BCL11B: variants seen among roughly 807,000 people sequenced by gnomAD.
BCL11B encodes the protein BCL11 transcription factor B.
A neutral mutation model predicts 49.9 loss-of-function variants in BCL11B; 8 were observed. The ratio of observed to expected loss-of-function variants is 0.16; its 90% confidence interval spans 0.09 to 0.29. The LOEUF is 0.29. Ranked by LOEUF, BCL11B falls within the 10% of genes least tolerant of loss-of-function variation. The pLI, the probability that BCL11B is intolerant of heterozygous loss-of-function variation, is 1.00. For synonymous variants in BCL11B, 739 were observed against 637.4 expected (o/e 1.16, Z -2.40); for missense variants, 1,006 against 1,351.0 (o/e 0.74, Z 4.00).
At chr14:99,221,791 G>A (rs1888016745) in intron 3 of BCL11B, among the ~76,000 whole-genome samples, 1 of 152,264 alleles carries the variant, frequency 6.6e-6, no homozygotes, top group African/African-American at 2.4e-5. Context: ...TCAGAGCTGG[G>A]AGAGAAGGCC....
At chr14:99,212,227 T>A (rs1887708335) in intron 3 of BCL11B, among the ~76,000 whole-genome samples, 1 of 152,084 alleles carries the variant, frequency 6.6e-6, no homozygotes, top group Admixed American at 6.5e-5. Context: ...TCCCCAAAAT[T>A]TCCAAAAATC....
intron 3 of BCL11B, among the ~76,000 whole-genome samples, chr14:99,229,854 G>C (rs1888278623): frequency 6.6e-6 from 1 of 152,090 alleles, no homozygotes; most frequent in Non-Finnish European, 1.5e-5. Flanking sequence ...AGACAGAGCA[G>C]GCACCCCCTG....
At chr14:99,219,249 G>A (rs1463388000) in intron 3 of BCL11B, among the ~76,000 whole-genome samples, 2 of 152,020 alleles carry the variant, frequency 1.3e-5, no homozygotes, top group Admixed American at 6.5e-5. Flanking sequence ...GCCCAGGCTG[G>A]TCTTGAACTG....
rs3850422 is a variant in BCL11B, at chr14:99,205,451, G to A, written c.640+25894C>T. 0.32 allele frequency among the ~76,000 whole-genome samples: 49,131 copies of A among 152,010 alleles called. 9,427 individuals are homozygous for A. Among genetic ancestry groups the A allele is most frequent in the Non-Finnish European group, 0.44 (30,084 of 67,954 alleles). Reference sequence around the variant, plus strand: ...TGCATCTCCCACTTCTACAATGACTGGTTAAATGCGCCCAAGGACCAGGCG... The same window carrying A: ...TGCATCTCCCACTTCTACAATGACTAGTTAAATGCGCCCAAGGACCAGGCG... On this transcript the variant is annotated intron_variant, in intron 3 of 3. Coordinates refer to ENST00000357195, the MANE Select transcript of BCL11B (RefSeq NM_138576.4). This position sits in a 1 kb window ranked among gnomAD's most constrained non-coding sequence, Gnocchi z 5.0.
chr14:99,182,396 A>C (rs143422602), intron 3 of BCL11B, among the ~76,000 whole-genome samples: 121 of 152,302 alleles, frequency 7.9e-4, no homozygotes, highest in Non-Finnish European at 1.3e-3. Context: ...TGTTCTGATA[A>C]ACGCTGGGTC....
chr14:99,246,809 G>A (rs1010600520), intron 2 of BCL11B, among the ~76,000 whole-genome samples: 1 of 152,204 alleles, frequency 6.6e-6, no homozygotes, highest in Non-Finnish European at 1.5e-5. Flanking sequence ...CACCGTCGCG[G>A]GGAGGGGAGG....
chr14:99,245,401 A>G (rs1888795499), intron 2 of BCL11B, among the ~76,000 whole-genome samples: 1 of 152,126 alleles, frequency 6.6e-6, no homozygotes, highest in Non-Finnish European at 1.5e-5. Context: ...AAGCGGGCTT[A>G]CTCTTCTCCC....
intron 3 of BCL11B, among the ~76,000 whole-genome samples, chr14:99,214,921 G>C (rs1887788879): frequency 6.6e-6 from 1 of 152,092 alleles, no homozygotes; most frequent in Non-Finnish European, 1.5e-5. Flanking sequence ...CCCGGCTGAA[G>C]AACTCCACAG....
chr14:99,239,321 C>A (rs1252035122), intron 2 of BCL11B, among the ~76,000 whole-genome samples: 1 of 152,200 alleles, frequency 6.6e-6, no homozygotes, highest in African/African-American at 2.4e-5. Context: ...ATGTCATCTG[C>A]ATGAAGAATA....
Position 99,194,322 on chromosome 14 carries a change from G to T in BCL11B, c.641-18127C>A, listed in dbSNP as rs1294306571. ...CTTCCCCGGACTGCACTGGCTTACAGAACACACCCAGTTCTGGTAAGATGG... is the reference window on the plus strand; with the variant it reads ...CTTCCCCGGACTGCACTGGCTTACATAACACACCCAGTTCTGGTAAGATGG... On this transcript the variant is annotated intron_variant, in intron 3 of 3. Coordinates refer to ENST00000357195, the MANE Select transcript of BCL11B (RefSeq NM_138576.4). This position sits in a 1 kb window ranked among gnomAD's most constrained non-coding sequence, Gnocchi z 4.6. Among the ~76,000 whole-genome samples the T allele has an allele frequency of 6.6e-6, 1 of 152,222 alleles. No homozygotes were observed. The highest frequency in any genetic ancestry group is 1.5e-5 in the Non-Finnish European group (1 of 68,052).
intron 3 of BCL11B, among the ~76,000 whole-genome samples, chr14:99,207,016 A>T (rs1381432746): frequency 6.6e-6 from 1 of 152,128 alleles, no homozygotes; most frequent in Non-Finnish European, 1.5e-5. Flanking sequence ...TTGATCCAAA[A>T]CTCTCTATGC....
intron 3 of BCL11B, among the ~76,000 whole-genome samples, chr14:99,208,611 T>A (rs1887601187): frequency 6.6e-6 from 1 of 152,120 alleles, no homozygotes; most frequent in African/African-American, 2.4e-5. Flanking sequence ...GGCCTTCAGG[T>A]TCCCTTTGGC....
At chr14:99,258,199 G>C (rs1158796831) in intron 1 of BCL11B, among the ~76,000 whole-genome samples, 1 of 152,246 alleles carries the variant, frequency 6.6e-6, no homozygotes, top group African/African-American at 2.4e-5. Flanking sequence ...ATGAGGTCGT[G>C]ATGTGTCTCT....
chr14:99,264,937 G>T (rs551338376), intron 1 of BCL11B, among the ~76,000 whole-genome samples: 2 of 152,308 alleles, frequency 1.3e-5, no homozygotes, highest in African/African-American at 4.8e-5. Flanking sequence ...GGAGCAAGAG[G>T]GGGACCGAGC....
intron 3 of BCL11B, among the ~76,000 whole-genome samples, chr14:99,191,596 C>T (rs1887032368): frequency 6.6e-6 from 1 of 152,030 alleles, no homozygotes; most frequent in Non-Finnish European, 1.5e-5. Flanking sequence ...CCAGAGTTGC[C>T]TGGAGCTGAG....
At position 99,213,817 on chromosome 14, in the gene BCL11B, GCC is replaced by G. The variant is rs1028937566; in HGVS notation, c.640+17526_640+17527del. On this transcript the variant is annotated intron_variant, in intron 3 of 3. Coordinates refer to ENST00000357195, the MANE Select transcript of BCL11B (RefSeq NM_138576.4). This position sits in a 1 kb window ranked among gnomAD's most constrained non-coding sequence, Gnocchi z 5.1. ...CAAGGCACAGGGGCCCCTGGCAAGG[GCC>G]CCCCGAGGGGCTGCCCCGTGCGCCC... is the stretch of plus-strand genomic sequence containing the variant. 6.6e-6 allele frequency among the ~76,000 whole-genome samples: 1 copy of G among 152,140 alleles called. No homozygotes were observed. The highest frequency in any genetic ancestry group is 1.5e-5 in the Non-Finnish European group (1 of 68,012).
chr14:99,225,901 CCCCCAACTGGGGGGCT>C lies in BCL11B; in HGVS notation c.640+5428_640+5443del, dbSNP rs1183110163. Among the ~76,000 whole-genome samples, 486 of 152,254 alleles carry C rather than the reference CCCCCAACTGGGGGGCT, an allele frequency of 3.2e-3. 1 individual carries two copies. The highest frequency in any genetic ancestry group is 0.01 in the African/African-American group (425 of 41,566). ...GGTAGGTGCCCCAACTGGGGGGCTT[CCCCCAACTGGGGGGCT>C]TGCAGCTCTCCATGGCTTCTCCTGG... On this transcript the variant is annotated intron_variant, in intron 3 of 3. Coordinates refer to ENST00000357195, the MANE Select transcript of BCL11B (RefSeq NM_138576.4).
chr14:99,212,846 C>T (rs1271194794), intron 3 of BCL11B, among the ~76,000 whole-genome samples: 1 of 152,224 alleles, frequency 6.6e-6, no homozygotes, highest in Non-Finnish European at 1.5e-5. Context: ...ACCTCCCCCA[C>T]CTGCTTGGCT....
At chr14:99,258,973 C>T (rs989650314) in intron 1 of BCL11B, among the ~76,000 whole-genome samples, 1 of 149,426 alleles carries the variant, frequency 6.7e-6, no homozygotes, top group Non-Finnish European at 1.5e-5. Context: ...AAGCAGCAAC[C>T]TCCTCAAGGG....
Sources: allele counts gnomAD v4.1 joint callset (sites outside exome capture counted in the v4.1 genomes callset), GRCh38; gene constraint gnomAD v4.1.1; non-coding constraint Gnocchi (gnomAD v3.1); transcripts MANE v1.5; gene names NCBI Gene and HGNC (gene_info 2026-07-23, HGNC 2026-07-21).